Variants in UBE2K observed in about 807,000 individuals in gnomAD.
UBE2K encodes ubiquitin conjugating enzyme E2 K.
In UBE2K, 6 loss-of-function variants were observed where a neutral mutation model predicts 30.0. That is an observed-to-expected ratio of 0.20 (90% CI 0.11 to 0.39). The LOEUF is 0.39. Among genes scored for constraint, UBE2K ranks in the 10% least tolerant of loss-of-function variants. UBE2K has a pLI of 1.00. For missense variants in UBE2K, 61 were observed against 241.6 expected, an observed-to-expected ratio of 0.25 and a Z score of 4.96; for synonymous variants, 86 against 83.7, an observed-to-expected ratio of 1.03 and a Z score of -0.15.
At chr4:39,727,221 A>G (rs1191808872) in intron 1 of UBE2K, among the ~76,000 whole-genome samples, 1 of 152,250 alleles carries the variant, frequency 6.6e-6, no homozygotes, top group Non-Finnish European at 1.5e-5. Context: ...TATCACATAC[A>G]GAGGATTGTA....
intron 4 of UBE2K, chr4:39,770,797 C>T: frequency 1.9e-6 from 3 of 1,565,456 alleles, no homozygotes; most frequent in Non-Finnish European, 2.6e-6. Flanking sequence ...ATGTCCAGGG[C>T]CGACTCCACC....
chr4:39,740,012 A>C (rs895551750), intron 2 of UBE2K, among the ~76,000 whole-genome samples: 4 of 152,108 alleles, frequency 2.6e-5, no homozygotes, highest in Admixed American at 2.6e-4. Flanking sequence ...TTGGTCTGGC[A>C]GTTTTCATGG....
In UBE2K at chr4:39,757,018, G is replaced by GTTTTTTTTTTTTTTTTTTTTTTTTTT. The variant is rs1227834116; in HGVS notation, c.299+1285_299+1286insTTTTTTTTTTTTTTTTTTTTTTTTTT. Among the ~76,000 whole-genome samples the GTTTTTTTTTTTTTTTTTTTTTTTTTT allele has an allele frequency of 5.5e-5, 4 of 72,120 alleles. 1 individual carries two copies. Among genetic ancestry groups the GTTTTTTTTTTTTTTTTTTTTTTTTTT allele is most frequent in the Admixed American group, 3.6e-4 (2 of 5,510 alleles). 47.3% of individuals were successfully genotyped at this position (72,120 alleles called of 152,430 possible). On this transcript the variant is annotated intron_variant, in intron 4 of 6. Coordinates refer to ENST00000261427, the MANE Select transcript of UBE2K (RefSeq NM_005339.5). ...TTTGGGTGTTTTTTTTTTGTTTTTT[G>GTTTTTTTTTTTTTTTTTTTTTTTTTT]TTTTTTGTTTTTTGTTTTTTTTTTG...
chr4:39,759,014 A>C (rs1258205359), intron 4 of UBE2K, among the ~76,000 whole-genome samples: 2 of 152,220 alleles, frequency 1.3e-5, no homozygotes, highest in Non-Finnish European at 2.9e-5. Context: ...ATATTCATGA[A>C]GTCATTACTT....
chr4:39,732,415 G>A (rs576729764), intron 1 of UBE2K, among the ~76,000 whole-genome samples: 25 of 152,268 alleles, frequency 1.6e-4, no homozygotes, highest in Non-Finnish European at 3.5e-4. Context: ...ATTTGAGATA[G>A]CATATACTAG....
chr4:39,771,312 G>C, intron 4 of UBE2K: 1 of 1,612,188 alleles, frequency 6.2e-7, no homozygotes. Context: ...CTCGAAACTT[G>C]AGGCTGTCGG....
intron 4 of UBE2K, chr4:39,771,145 C>A (rs139509689): frequency 6.2e-7 from 1 of 1,612,830 alleles, no homozygotes; most frequent in Non-Finnish European, 8.5e-7. Context: ...GACGATGTCC[C>A]TAACAGCGAA....
rs1180955543 is a variant in UBE2K at position 39,745,747 on chromosome 4, T to C, written c.158-5T>C. 1 of 1,600,884 alleles carries C rather than the reference T, an allele frequency of 6.2e-7. No individual in the cohort carries two copies. The highest frequency in any genetic ancestry group is 1.7e-5 in the Admixed American group (1 of 58,976). ...TTCTTAACTTTGTTTTCCCCATTTT[T>C]TTAGGAGGAAGATACCAACTAGAGA... is the stretch of plus-strand genomic sequence containing the variant. On this transcript the variant is annotated splice_polypyrimidine_tract_variant and splice_region_variant and intron_variant, in intron 2 of 6. Coordinates refer to ENST00000261427, the MANE Select transcript of UBE2K (RefSeq NM_005339.5).
intron 1 of UBE2K, among the ~76,000 whole-genome samples, chr4:39,735,508 G>A (rs1720329530): frequency 6.6e-6 from 1 of 152,192 alleles, no homozygotes; most frequent in Non-Finnish European, 1.5e-5. Flanking sequence ...AGCCTCCCGA[G>A]TAGCTGGGAC....
At chr4:39,706,461 C>A (rs1021744084) in intron 1 of UBE2K, among the ~76,000 whole-genome samples, 1 of 149,724 alleles carries the variant, frequency 6.7e-6, no homozygotes, top group Non-Finnish European at 1.5e-5. Context: ...CCATGCCTGG[C>A]ATGCCTGGAC....
chr4:39,706,448 C>T (rs1718368935), intron 1 of UBE2K, among the ~76,000 whole-genome samples: 1 of 151,144 alleles, frequency 6.6e-6, no homozygotes, highest in African/African-American at 2.4e-5. Context: ...AAATGGTGAG[C>T]CACCATGCCT....
intron 4 of UBE2K, among the ~76,000 whole-genome samples, chr4:39,772,994 CAACT>C (rs1560381143): frequency 4.3e-5 from 2 of 46,442 alleles, no homozygotes; most frequent in Admixed American, 2.8e-4. Flanking sequence ...GCCAGTGAGA[CAACT>C]TTTTTTAACA....
At chr4:39,730,142 A>C (rs1279850151) in intron 1 of UBE2K, among the ~76,000 whole-genome samples, 1 of 152,154 alleles carries the variant, frequency 6.6e-6, no homozygotes, top group Non-Finnish European at 1.5e-5. Flanking sequence ...GACTTGAATT[A>C]CTCTTCATTG....
chr4:39,717,391 C>T (rs972635361), intron 1 of UBE2K, among the ~76,000 whole-genome samples: 17 of 151,964 alleles, frequency 1.1e-4, no homozygotes, highest in African/African-American at 3.9e-4. Context: ...CTGCCACACC[C>T]GGCTAATTTT....
rs3839130 is a variant in UBE2K, at chr4:39,779,042, A to ACCCCCCCCCCCCCCCCCCCCTCCCCC, written c.*616_*617insCCCCCCCCCCCCTCCCCCCCCCCCCC. On this transcript the variant is annotated 3_prime_UTR_variant, in exon 7 of 7. Transcript: ENST00000261427. ...TGGGACAGTGTCTGATTCCCCCTTCACCCCCCCCACCCCCGCCTTGCCACA... is the reference window on the plus strand; with the variant it reads ...TGGGACAGTGTCTGATTCCCCCTTCACCCCCCCCCCCCCCCCCCCCTCCCCCCCCCCCCCACCCCCGCCTTGCCACA... 7.8e-6 allele frequency: 1 copy of ACCCCCCCCCCCCCCCCCCCCTCCCCC among 128,220 alleles called. No individual in the cohort carries two copies. Among genetic ancestry groups the ACCCCCCCCCCCCCCCCCCCCTCCCCC allele is most frequent in the Non-Finnish European group, 1.6e-5 (1 of 62,678 alleles). 7.9% of individuals were successfully genotyped at this position (128,220 alleles called of 1,614,324 possible).
intron 4 of UBE2K, among the ~76,000 whole-genome samples, chr4:39,763,091 T>G (rs1712072279): frequency 1.3e-5 from 2 of 150,236 alleles, no homozygotes; most frequent in African/African-American, 4.9e-5. Flanking sequence ...TACAGGCACG[T>G]GCCACCATGC....
chr4:39,760,730 T>C (rs536296831), intron 4 of UBE2K, among the ~76,000 whole-genome samples: 2 of 152,168 alleles, frequency 1.3e-5, no homozygotes, highest in South Asian at 4.1e-4. Context: ...ACCCCGTCTC[T>C]ACTAAAAATA....
intron 4 of UBE2K, chr4:39,771,313 AGGCTGTC>A (rs1014751255): frequency 6.2e-7 from 1 of 1,611,950 alleles, no homozygotes; most frequent in Admixed American, 1.7e-5. Context: ...TCGAAACTTG[AGGCTGTC>A]GGCCACAATG....
intron 2 of UBE2K, among the ~76,000 whole-genome samples, chr4:39,743,493 A>T (rs1451231866): frequency 6.6e-6 from 1 of 151,962 alleles, no homozygotes; most frequent in African/African-American, 2.4e-5. Context: ...AGTCCCAGCT[A>T]ATCGGGAGGC....
Sources: gnomAD v4.1 joint callset for allele counts (sites outside exome capture counted in the v4.1 genomes callset) on GRCh38, gnomAD v4.1.1 for gene constraint, MANE v1.5 for transcripts, NCBI Gene and HGNC (gene_info 2026-07-23, HGNC 2026-07-21) for gene names.